The following NRG1 variants were observed in gnomAD, a reference collection of about 807,000 sequenced individuals.
NRG1 encodes neuregulin 1.
Under a neutral mutation model 63.8 loss-of-function variants are expected in NRG1, and 18 were observed. That is an observed-to-expected ratio of 0.28 (90% CI 0.19 to 0.42). NRG1 has a LOEUF of 0.42. Among genes scored for constraint, NRG1 ranks in the 10% least tolerant of loss-of-function variants. The probability of loss-of-function intolerance (pLI) is 1.00; values close to 1 mark genes in which losing one functional copy is unlikely to be tolerated. For synonymous variants in NRG1, 302 were observed against 301.3 expected (o/e 1.00, Z -0.02); for missense variants, 762 against 814.7 (o/e 0.94, Z 0.79).
intron 5 of NRG1, among the ~76,000 whole-genome samples, chr8:32,680,152 T>G (rs1194801032): frequency 6.6e-6 from 1 of 152,208 alleles, no homozygotes; most frequent in African/African-American, 2.4e-5. Context: ...ATTGTTAATG[T>G]GTCTGATGAT....
intron 1 of NRG1, among the ~76,000 whole-genome samples, chr8:32,384,937 A>C (rs1040768904): frequency 6.6e-6 from 1 of 152,222 alleles, no homozygotes; most frequent in Non-Finnish European, 1.5e-5. Flanking sequence ...TACTGATTCA[A>C]ATTTTTAAGA....
chr8:32,279,911 G>A (rs1287312101), intron 1 of NRG1, among the ~76,000 whole-genome samples: 1 of 152,206 alleles, frequency 6.6e-6, no homozygotes, highest in African/African-American at 2.4e-5. Flanking sequence ...CACGTAGGTA[G>A]CTGGCAGTCC....
chr8:32,629,308 C>T (rs775551915), intron 5 of NRG1, among the ~76,000 whole-genome samples: 26 of 152,110 alleles, frequency 1.7e-4, no homozygotes, highest in Non-Finnish European at 3.5e-4. Flanking sequence ...CACAGTCTTG[C>T]CACTTCTTAT....
intron 2 of NRG1, among the ~76,000 whole-genome samples, chr8:32,596,813 A>C (rs995582399): frequency 2.0e-5 from 3 of 152,168 alleles, no homozygotes; most frequent in Non-Finnish European, 4.4e-5. Flanking sequence ...TTTTTAACTG[A>C]CACTGCTGAT....
At chr8:31,990,301 G>A (rs1810837631) in intron 1 of NRG1, among the ~76,000 whole-genome samples, 2 of 152,086 alleles carry the variant, frequency 1.3e-5, no homozygotes, top group African/African-American at 4.8e-5. Context: ...ACCCACTCTA[G>A]ATTGCAATTA....
chr8:32,398,023 T>G (rs1384801248), intron 1 of NRG1, among the ~76,000 whole-genome samples: 3 of 152,196 alleles, frequency 2.0e-5, no homozygotes, highest in African/African-American at 2.4e-5. Flanking sequence ...GTATTTGGTT[T>G]TTTATGCAGT....
intron 1 of NRG1, among the ~76,000 whole-genome samples, chr8:32,085,379 A>C (rs555530044): frequency 6.6e-6 from 1 of 152,242 alleles, no homozygotes; most frequent in Non-Finnish European, 1.5e-5. Flanking sequence ...TATGAGTTTG[A>C]CTATTTTAGT....
intron 1 of NRG1, among the ~76,000 whole-genome samples, chr8:32,407,088 A>G (rs1213501804): frequency 1.3e-5 from 2 of 151,708 alleles, no homozygotes; most frequent in Non-Finnish European, 2.9e-5. Flanking sequence ...CTGTTTCCTC[A>G]TCTGTAATAT....
chr8:32,202,036 AG>A (rs1318373306), intron 1 of NRG1, among the ~76,000 whole-genome samples: 1 of 152,154 alleles, frequency 6.6e-6, no homozygotes, highest in East Asian at 1.9e-4. Flanking sequence ...TAGCTCGTTG[AG>A]TGTTAATTTC....
intron 1 of NRG1, among the ~76,000 whole-genome samples, chr8:32,308,514 C>T (rs1563297465): frequency 2.0e-5 from 3 of 152,200 alleles, no homozygotes; most frequent in Non-Finnish European, 4.4e-5. Flanking sequence ...ACAAGGACAA[C>T]CTATTATTTC....
At chr8:32,203,901 G>A (rs1843748605) in intron 1 of NRG1, among the ~76,000 whole-genome samples, 3 of 152,074 alleles carry the variant, frequency 2.0e-5, no homozygotes, top group African/African-American at 7.2e-5. Flanking sequence ...TTCTGTGGAA[G>A]TACCACAGAG....
intron 1 of NRG1, among the ~76,000 whole-genome samples, chr8:32,186,416 G>A (rs1841970322): frequency 6.7e-6 from 1 of 148,702 alleles, no homozygotes. Flanking sequence ...AGCCGAGATG[G>A]CGCCACTGCC....
intron 1 of NRG1, among the ~76,000 whole-genome samples, chr8:31,961,733 A>G (rs1055747011): frequency 3.3e-5 from 5 of 152,172 alleles, no homozygotes; most frequent in Admixed American, 2.6e-4. Context: ...TGAAGCATGA[A>G]GGGAAAACTA....
chr8:31,880,443 G>A (rs1335061847), intron 1 of NRG1, among the ~76,000 whole-genome samples: 1 of 152,112 alleles, frequency 6.6e-6, no homozygotes, highest in South Asian at 2.1e-4. Context: ...GCTTACGAAA[G>A]CTACTCTCTG....
intron 1 of NRG1, among the ~76,000 whole-genome samples, chr8:32,024,987 C>T (rs1324769868): frequency 6.6e-6 from 1 of 152,108 alleles, no homozygotes; most frequent in Admixed American, 6.5e-5. Context: ...AATAAAATTT[C>T]TAGAAGGAAG....
intron 1 of NRG1, among the ~76,000 whole-genome samples, chr8:31,810,020 A>T (rs1036841525): frequency 6.6e-6 from 1 of 152,006 alleles, no homozygotes; most frequent in African/African-American, 2.4e-5. Context: ...TAGTCTCCCC[A>T]TATCAGGAGA....
intron 1 of NRG1, among the ~76,000 whole-genome samples, chr8:31,898,114 A>G (rs1221396689): frequency 6.6e-6 from 1 of 152,022 alleles, no homozygotes; most frequent in African/African-American, 2.4e-5. Flanking sequence ...AATCAAACCA[A>G]TATACATCTT....
intron 6 of NRG1, among the ~76,000 whole-genome samples, chr8:32,733,621 A>G (rs1175083234): frequency 1.3e-5 from 2 of 152,200 alleles, no homozygotes; most frequent in Admixed American, 1.3e-4. Flanking sequence ...GCATAAATGG[A>G]TTAACATTTG....
chr8:32,655,889 A>G (rs970221226), intron 5 of NRG1, among the ~76,000 whole-genome samples: 4 of 152,172 alleles, frequency 2.6e-5, no homozygotes, highest in South Asian at 4.1e-4. Flanking sequence ...AAAACAATCT[A>G]TACAGTTTAG....
Sources: gnomAD v4.1 joint callset for allele counts (sites outside exome capture counted in the v4.1 genomes callset) on GRCh38, gnomAD v4.1.1 for gene constraint, MANE v1.5 for transcripts, NCBI Gene and HGNC (gene_info 2026-07-23, HGNC 2026-07-21) for gene names.